Variants in STARD13 observed in about 807,000 individuals in gnomAD.
STARD13 encodes the protein StAR related lipid transfer domain containing 13.
A neutral mutation model predicts 106.4 loss-of-function variants in STARD13; 62 were observed. That is an observed-to-expected ratio of 0.58 (90% CI 0.48 to 0.72). STARD13 has a LOEUF of 0.72. STARD13 is among the 30% of genes least tolerant of loss of function. The pLI, the probability that STARD13 is intolerant of heterozygous loss-of-function variation, is 0.00. For synonymous variants in STARD13, 565 were observed against 553.0 expected (o/e 1.02, Z -0.31); for missense variants, 1,387 against 1,424.0 (o/e 0.97, Z 0.42).
the STARD13 span, among the ~76,000 whole-genome samples, chr13:33,369,674 A>G: frequency 2.0e-5 from 3 of 152,154 alleles, no homozygotes; most frequent in Admixed American, 6.5e-5. Flanking sequence ...AAAAATGTGT[A>G]TATATGTTCA....
At chr13:33,264,079 A>C (rs1315278326) in intron 1 of STARD13, among the ~76,000 whole-genome samples, 2 of 152,230 alleles carry the variant, frequency 1.3e-5, no homozygotes, top group Non-Finnish European at 2.9e-5. Flanking sequence ...TAGATGCACC[A>C]GCTGCCAGTC....
chr13:33,353,362 T>C (rs74047821), upstream of STARD13, among the ~76,000 whole-genome samples: 1,598 of 152,312 alleles, frequency 0.01, 32 homozygotes, highest in African/African-American at 0.037. Flanking sequence ...CAGTTATTGT[T>C]GTCCTTTCCA....
chr13:33,420,173 AG>A, the STARD13 span, among the ~76,000 whole-genome samples: 15 of 152,230 alleles, frequency 9.9e-5, no homozygotes, highest in Non-Finnish European at 1.6e-4. Context: ...TTGGATAAAG[AG>A]TCAAGACCCA....
intron 1 of STARD13, among the ~76,000 whole-genome samples, chr13:33,313,251 T>C (rs1006427418): frequency 6.6e-5 from 10 of 152,220 alleles, no homozygotes; most frequent in African/African-American, 2.4e-4. Flanking sequence ...GAAAAAAATG[T>C]GTTATCCAAG....
the STARD13 span, among the ~76,000 whole-genome samples, chr13:33,378,222 C>T: frequency 6.6e-6 from 1 of 152,140 alleles, no homozygotes; most frequent in African/African-American, 2.4e-5. Flanking sequence ...TCAGCACCCC[C>T]ACTCCCTACT....
chr13:33,384,221 T>C, the STARD13 span, among the ~76,000 whole-genome samples: 1 of 152,176 alleles, frequency 6.6e-6, no homozygotes, highest in Non-Finnish European at 1.5e-5. Context: ...TAACAACCAA[T>C]AATAACAACT....
intron 1 of STARD13, among the ~76,000 whole-genome samples, chr13:33,350,123 C>G (rs1254740537): frequency 1.3e-5 from 2 of 152,050 alleles, no homozygotes; most frequent in Non-Finnish European, 2.9e-5. Context: ...GGAGGGCGCT[C>G]GGGGCCCGGC....
chr13:33,383,149 T>G, the STARD13 span, among the ~76,000 whole-genome samples: 2 of 152,216 alleles, frequency 1.3e-5, no homozygotes, highest in East Asian at 3.8e-4. Context: ...TCCCACTATT[T>G]CCCTTTCTTT....
intron 1 of STARD13, among the ~76,000 whole-genome samples, chr13:33,181,996 A>C (rs1388979606): frequency 6.6e-6 from 1 of 152,244 alleles, no homozygotes; most frequent in Non-Finnish European, 1.5e-5. Context: ...ATACCTGAGA[A>C]TAACCAATCA....
chr13:33,436,723 A>T, the STARD13 span, among the ~76,000 whole-genome samples: 1 of 152,324 alleles, frequency 6.6e-6, no homozygotes, highest in Non-Finnish European at 1.5e-5. Flanking sequence ...AAAGAGTGGC[A>T]TTCTCTCTTA....
At chr13:33,492,240 G>C in the STARD13 span, among the ~76,000 whole-genome samples, 1 of 152,164 alleles carries the variant, frequency 6.6e-6, no homozygotes, top group Non-Finnish European at 1.5e-5. Flanking sequence ...GGCTTAGCTT[G>C]GGCTCAGAGG....
chr13:33,643,312 G>C, the STARD13 span, among the ~76,000 whole-genome samples: 1 of 152,166 alleles, frequency 6.6e-6, no homozygotes, highest in South Asian at 2.1e-4. Flanking sequence ...TGCCTGTTTT[G>C]CCTCCATAAG....
the STARD13 span, among the ~76,000 whole-genome samples, chr13:33,570,315 G>T: frequency 1.4e-5 from 2 of 147,774 alleles, no homozygotes; most frequent in Admixed American, 1.4e-4. Context: ...TCTATCCATT[G>T]TGTAGTCATA....
At chr13:33,474,667 G>C in the STARD13 span, among the ~76,000 whole-genome samples, 1 of 152,122 alleles carries the variant, frequency 6.6e-6, no homozygotes, top group African/African-American at 2.4e-5. Flanking sequence ...ATACACTTCT[G>C]TCTGGGTTTT....
downstream of STARD13, among the ~76,000 whole-genome samples, chr13:33,347,326 C>T (rs138555593): frequency 0.021 from 3,226 of 152,174 alleles, 102 homozygotes; most frequent in African/African-American, 0.071. Context: ...ACCTCTGCCT[C>T]CTGGGTTCAA....
chr13:33,370,554 A>G, the STARD13 span, among the ~76,000 whole-genome samples: 3 of 147,722 alleles, frequency 2.0e-5, no homozygotes, highest in Non-Finnish European at 4.5e-5. Context: ...ACAAAATTGT[A>G]TTTTCTGAAT....
chr13:33,213,131 C>A (rs1308520373), intron 1 of STARD13, among the ~76,000 whole-genome samples: 1 of 152,098 alleles, frequency 6.6e-6, no homozygotes, highest in East Asian at 1.9e-4. Flanking sequence ...AACAGTAATG[C>A]CAGCTGGGTA....
chr13:33,546,307 GA>G, the STARD13 span, among the ~76,000 whole-genome samples: 1 of 152,134 alleles, frequency 6.6e-6, no homozygotes, highest in South Asian at 2.1e-4. Flanking sequence ...GAATTAAGTT[GA>G]TTCAGCTGTT....
At chr13:33,493,984 A>G in the STARD13 span, among the ~76,000 whole-genome samples, 1 of 152,206 alleles carries the variant, frequency 6.6e-6, no homozygotes, top group Non-Finnish European at 1.5e-5. Flanking sequence ...CAGACAGAGT[A>G]GTAAACCCAA....
Sources: gnomAD v4.1 joint callset for allele counts (sites outside exome capture counted in the v4.1 genomes callset) on GRCh38, gnomAD v4.1.1 for gene constraint, MANE v1.5 for transcripts, NCBI Gene and HGNC (gene_info 2026-07-23, HGNC 2026-07-21) for gene names.